KCNB2: variants seen among roughly 807,000 people sequenced by gnomAD.
KCNB2 encodes potassium voltage-gated channel subfamily B member 2.
A neutral mutation model predicts 61.5 loss-of-function variants in KCNB2; 15 were observed. The observed-to-expected ratio is 0.24, with a 90% CI of 0.16 to 0.38. The LOEUF is 0.38. KCNB2 is among the 10% of genes least tolerant of loss of function. The probability of loss-of-function intolerance (pLI) is 1.00; values close to 1 mark genes in which losing one functional copy is unlikely to be tolerated. For missense variants in KCNB2, 828 were observed against 1,125.2 expected, an observed-to-expected ratio of 0.74 and a Z score of 3.78; for synonymous variants, 457 against 446.0, an observed-to-expected ratio of 1.02 and a Z score of -0.31.
intron 2 of KCNB2, among the ~76,000 whole-genome samples, chr8:72,706,906 T>G (rs1807234765): frequency 6.6e-6 from 1 of 152,246 alleles, no homozygotes; most frequent in Admixed American, 6.5e-5. Flanking sequence ...GGGTTTGTGC[T>G]GCTCATTGCC....
At chr8:72,688,739 A>AT (rs1025218475) in intron 2 of KCNB2, among the ~76,000 whole-genome samples, 3 of 152,002 alleles carry the variant, frequency 2.0e-5, no homozygotes, top group African/African-American at 7.2e-5. Flanking sequence ...AAATTTATTT[A>AT]TTTTTTAGAC....
intron 2 of KCNB2, among the ~76,000 whole-genome samples, chr8:72,811,729 C>T (rs1809309310): frequency 6.6e-6 from 1 of 152,124 alleles, no homozygotes; most frequent in Admixed American, 6.6e-5. Context: ...GGAAGCACAG[C>T]CTCCTGTCCA....
intron 2 of KCNB2, among the ~76,000 whole-genome samples, chr8:72,712,368 C>T (rs983627478): frequency 3.9e-5 from 6 of 152,096 alleles, no homozygotes; most frequent in African/African-American, 1.4e-4. Flanking sequence ...GGTTTCTTAC[C>T]CTCTTTTATC....
chr8:72,929,532 T>C (rs1392652830), intron 2 of KCNB2, among the ~76,000 whole-genome samples: 2 of 152,240 alleles, frequency 1.3e-5, no homozygotes, highest in Non-Finnish European at 2.9e-5. Context: ...CTCTTTTGAA[T>C]GTTTTACTCA....
chr8:72,908,680 G>A (rs1013524107), intron 2 of KCNB2, among the ~76,000 whole-genome samples: 3 of 152,248 alleles, frequency 2.0e-5, no homozygotes, highest in African/African-American at 7.2e-5. Flanking sequence ...AGATGCCAAC[G>A]AGATGTGGTT....
At chr8:72,582,378 G>A (rs1317692608) in intron 2 of KCNB2, among the ~76,000 whole-genome samples, 2 of 152,184 alleles carry the variant, frequency 1.3e-5, no homozygotes, top group East Asian at 3.9e-4. Context: ...GCCAGTCCCT[G>A]TCTCAGATGT....
intron 2 of KCNB2, among the ~76,000 whole-genome samples, chr8:72,659,517 C>T (rs1806345866): frequency 2.0e-5 from 3 of 152,266 alleles, no homozygotes; most frequent in Middle Eastern, 3.4e-3. Flanking sequence ...TTTTGAAAGT[C>T]GTTCTACTGT....
intron 2 of KCNB2, among the ~76,000 whole-genome samples, chr8:72,704,672 C>T (rs766477868): frequency 1.3e-5 from 2 of 152,076 alleles, no homozygotes; most frequent in African/African-American, 2.4e-5. Context: ...CAAGATAAAT[C>T]AGGAGTTACT....
intron 2 of KCNB2, among the ~76,000 whole-genome samples, chr8:72,902,437 G>C (rs1388672437): frequency 1.3e-5 from 2 of 152,036 alleles, no homozygotes; most frequent in African/African-American, 4.8e-5. Context: ...GGTCCTGGTG[G>C]GGAAATGGAT....
chr8:72,617,005 C>T (rs907568076), intron 2 of KCNB2, among the ~76,000 whole-genome samples: 26 of 152,284 alleles, frequency 1.7e-4, no homozygotes, highest in African/African-American at 5.5e-4. Flanking sequence ...TGTGGCTTCA[C>T]ACCTCGAGCC....
intron 2 of KCNB2, among the ~76,000 whole-genome samples, chr8:72,906,789 G>A (rs1320471736): frequency 6.6e-6 from 1 of 152,094 alleles, no homozygotes; most frequent in African/African-American, 2.4e-5. Context: ...TTGTGACCTT[G>A]TATTACCTGT....
At chr8:72,560,809 AG>A (rs1554576036) in intron 1 of KCNB2, among the ~76,000 whole-genome samples, 2 of 152,138 alleles carry the variant, frequency 1.3e-5, no homozygotes, top group Non-Finnish European at 2.9e-5. Context: ...GAATAAAGAA[AG>A]GTTTTTTTTC....
Position 72,922,159 on chromosome 8 carries a change from T to C in KCNB2, c.580-13776T>C, listed in dbSNP as rs1585977307. Reference sequence around the variant, plus strand: ...TTGCTGGTTGCTGACAATCCTGGCTTGTAGCAATACCACTCCAATCTCTGC... The same window carrying C: ...TTGCTGGTTGCTGACAATCCTGGCTCGTAGCAATACCACTCCAATCTCTGC... On this transcript the variant is annotated intron_variant, in intron 2 of 2. Coordinates refer to ENST00000523207, the MANE Select transcript of KCNB2 (RefSeq NM_004770.3). 2.0e-5 allele frequency among the ~76,000 whole-genome samples: 3 copies of C among 152,314 alleles called. No individual in the cohort carries two copies. The Middle Eastern group carries it at 0.01, about 518-fold the overall frequency.
chr8:72,733,950 G>A (rs183731980), intron 2 of KCNB2, among the ~76,000 whole-genome samples: 27 of 152,226 alleles, frequency 1.8e-4, no homozygotes, highest in Admixed American at 8.5e-4. Flanking sequence ...GTGATCGGGC[G>A]TCTACTTTTG....
chr8:72,652,508 C>A (rs964796121), intron 2 of KCNB2, among the ~76,000 whole-genome samples: 30 of 152,036 alleles, frequency 2.0e-4, no homozygotes, highest in African/African-American at 7.0e-4. Flanking sequence ...CTGTTAAAAG[C>A]CTTCCAATGG....
chr8:72,834,159 C>G (rs1395437069), intron 2 of KCNB2, among the ~76,000 whole-genome samples: 2 of 152,126 alleles, frequency 1.3e-5, no homozygotes, highest in African/African-American at 4.8e-5. Context: ...ACACAGGAAT[C>G]AAGTATCTCA....
intron 2 of KCNB2, among the ~76,000 whole-genome samples, chr8:72,601,258 G>A (rs1366117408): frequency 6.6e-6 from 1 of 152,004 alleles, no homozygotes; most frequent in Non-Finnish European, 1.5e-5. Context: ...TGCTAGCAAG[G>A]GATTATTAAT....
chr8:72,803,362 C>T lies in KCNB2; in HGVS notation c.580-132573C>T, dbSNP rs576524984. Among the ~76,000 whole-genome samples, 11 of 152,312 alleles carry T rather than the reference C, an allele frequency of 7.2e-5. No homozygotes were observed. In the South Asian group the frequency reaches 2.1e-3, roughly 29 times the overall value. ...GCCCATGTCTTGTTTTATAGCATCT[C>T]ACCAATATGTTCCCAAACTTCCCTG... On this transcript the variant is annotated intron_variant, in intron 2 of 2. Transcript: ENST00000523207.
chr8:72,756,100 C>G (rs909674581), intron 2 of KCNB2, among the ~76,000 whole-genome samples: 5 of 152,134 alleles, frequency 3.3e-5, no homozygotes, highest in African/African-American at 1.2e-4. Flanking sequence ...CAAGAAAAGC[C>G]CAGCTCATTG....
Sources: allele counts gnomAD v4.1 joint callset (sites outside exome capture counted in the v4.1 genomes callset), GRCh38; gene constraint gnomAD v4.1.1; transcripts MANE v1.5; gene names NCBI Gene and HGNC (gene_info 2026-07-23, HGNC 2026-07-21).